The following NBPF3 variants were observed in gnomAD, a reference collection of about 807,000 sequenced individuals.
The protein encoded by NBPF3 is NBPF member 3.
A neutral mutation model predicts 78.1 loss-of-function variants in NBPF3; 57 were observed. The observed-to-expected ratio is 0.73, with a 90% CI of 0.59 to 0.91. The LOEUF is 0.91. Among genes scored for constraint, NBPF3 ranks in the 40% least tolerant of loss-of-function variants. NBPF3 has a pLI of 0.00. For missense variants in NBPF3, 510 were observed against 715.3 expected, an observed-to-expected ratio of 0.71 and a Z score of 3.27; for synonymous variants, 182 against 271.7, an observed-to-expected ratio of 0.67 and a Z score of 3.25.
chr1:21,436,933 G>A, upstream of NBPF3: 1 of 380,890 alleles, frequency 2.6e-6, no homozygotes. The surrounding 1 kb of genome is among the most constrained non-coding windows in gnomAD (Gnocchi z 4.3). Context: ...GCCCTGGGGT[G>A]CAGCCAGAGC....
At chr1:21,463,017 C>G (rs982100547) in intron 2 of NBPF3, among the ~76,000 whole-genome samples, 6 of 152,198 alleles carry the variant, frequency 3.9e-5, no homozygotes, top group African/African-American at 1.4e-4. Flanking sequence ...AATATTCTAA[C>G]ATAAATATTC....
chr1:21,479,820 C>CTCTCTCTGTGTGTGTGTGTGTGTGTGTG (rs766796014), intron 10 of NBPF3, among the ~76,000 whole-genome samples: 2 of 102,882 alleles, frequency 1.9e-5, no homozygotes, highest in African/African-American at 6.7e-5. Context: ...CTCTCTCTCT[C>CTCTCTCTGTGTGTGTGTGTGTGTGTGTG]TGTGTGTGTG....
At chr1:21,455,636 C>G (rs1368628767) in intron 2 of NBPF3, among the ~76,000 whole-genome samples, 1 of 152,074 alleles carries the variant, frequency 6.6e-6, no homozygotes, top group Non-Finnish European at 1.5e-5. Context: ...GCAGGGCAGC[C>G]CACTGAGCTG....
chr1:21,478,829 A>T (rs534385451), intron 9 of NBPF3, among the ~76,000 whole-genome samples: 1 of 152,078 alleles, frequency 6.6e-6, no homozygotes, highest in African/African-American at 2.4e-5. Flanking sequence ...TCATCTGTCC[A>T]TCATCTTGCT....
chr1:21,459,259 G>T (rs554849528), intron 2 of NBPF3, among the ~76,000 whole-genome samples: 1 of 152,184 alleles, frequency 6.6e-6, no homozygotes, highest in East Asian at 1.9e-4. Context: ...TAGGCAAGTC[G>T]GTCTTGAAGA....
intron 1 of NBPF3, among the ~76,000 whole-genome samples, chr1:21,443,299 G>T (rs1395226681): frequency 1.3e-5 from 2 of 152,306 alleles, no homozygotes; most frequent in Admixed American, 1.3e-4. Context: ...TGTGTTGGGC[G>T]TTCAGGCAAA....
upstream of NBPF3, among the ~76,000 whole-genome samples, chr1:21,439,010 C>T (rs1640493413): frequency 1.3e-5 from 2 of 152,176 alleles, no homozygotes; most frequent in Non-Finnish European, 2.9e-5. Context: ...TGGTGTCGCC[C>T]ACCTTGGTGG....
chr1:21,453,340 G>A (rs1256824280), intron 2 of NBPF3: 1 of 152,152 alleles, frequency 6.6e-6, no homozygotes, highest in African/African-American at 2.4e-5. Context: ...TTCTCAGTGG[G>A]TCCCATAGCA....
intron 1 of NBPF3, among the ~76,000 whole-genome samples, chr1:21,441,313 T>C (rs1640633953): frequency 6.6e-6 from 1 of 152,206 alleles, no homozygotes. Context: ...GAAGCTATTT[T>C]TTTCTATTCT....
At chr1:21,459,552 CA>C (rs1641830545) in intron 2 of NBPF3, among the ~76,000 whole-genome samples, 1 of 151,958 alleles carries the variant, frequency 6.6e-6, no homozygotes. Context: ...GTTTTGGCAG[CA>C]ATAGGGGTGT....
chr1:21,464,513 A>G (rs1426168664), intron 2 of NBPF3, among the ~76,000 whole-genome samples: 1 of 152,116 alleles, frequency 6.6e-6, no homozygotes, highest in African/African-American at 2.4e-5. Context: ...CATTATGAAA[A>G]TATTCTGGAA....
At chr1:21,483,105 T>G (rs780394836) in intron 14 of NBPF3, 38 bp from the exon 15 acceptor site, 103 of 1,611,940 alleles carry the variant, frequency 6.4e-5, no homozygotes, top group Non-Finnish European at 8.0e-5. Context: ...GTGTCTGATT[T>G]TCCCTGGCTG....
intron 2 of NBPF3, among the ~76,000 whole-genome samples, chr1:21,449,616 A>G (rs1569944318): frequency 6.6e-6 from 1 of 152,128 alleles, no homozygotes; most frequent in Admixed American, 6.5e-5. Context: ...GATTACAGGC[A>G]CCTGCCACCA....
At chr1:21,473,348 T>A (rs756585950) in intron 6 of NBPF3, 32 bp from the exon 7 acceptor site, 2 of 1,606,696 alleles carry the variant, frequency 1.2e-6, no homozygotes, top group Non-Finnish European at 1.7e-6. Flanking sequence ...GTGTTTAGTC[T>A]TCTGTCATCT....
intron 9 of NBPF3, 60 bp downstream of exon 9, chr1:21,478,367 A>G: frequency 6.4e-7 from 1 of 1,570,884 alleles, no homozygotes; most frequent in Non-Finnish European, 8.8e-7. Context: ...AGACCCCATA[A>G]TCTTTGGGCC....
upstream of NBPF3, chr1:21,440,094 C>T (rs1640527398): frequency 6.6e-6 from 1 of 151,552 alleles, no homozygotes; most frequent in Non-Finnish European, 1.5e-5. Flanking sequence ...CCATCCGGAC[C>T]CTGAGGAGCC....
At chr1:21,459,570 A>G (rs1197097603) in intron 2 of NBPF3, among the ~76,000 whole-genome samples, 2 of 152,068 alleles carry the variant, frequency 1.3e-5, no homozygotes, top group Non-Finnish European at 2.9e-5. Flanking sequence ...GTGTGGGGTA[A>G]TGTCCCCCAA....
At chr1:21,437,382 C>G, upstream of NBPF3, 1 of 779,696 alleles carries the variant, frequency 1.3e-6, no homozygotes, top group South Asian at 1.8e-5. Context: ...GTGGTGAGAG[C>G]ACATTGGGGA....
intron 2 of NBPF3, among the ~76,000 whole-genome samples, chr1:21,451,072 A>G (rs1252440632): frequency 3.3e-5 from 5 of 152,104 alleles, no homozygotes; most frequent in Admixed American, 3.3e-4. Flanking sequence ...TGAAACCATT[A>G]TTATTTATCT....
Sources: gnomAD v4.1 joint callset for allele counts (sites outside exome capture counted in the v4.1 genomes callset) on GRCh38, gnomAD v4.1.1 for gene constraint, Gnocchi (gnomAD v3.1) non-coding constraint, MANE v1.5 for transcripts, NCBI Gene and HGNC (gene_info 2026-07-23, HGNC 2026-07-21) for gene names.